The following SRFBP1 variants were observed in gnomAD, a reference collection of about 807,000 sequenced individuals.
SRFBP1 encodes serum response factor-binding protein 1.
SRFBP1 carries 47 observed loss-of-function variants against 45.5 expected under a neutral mutation model. That is an observed-to-expected ratio of 1.03 (90% CI 0.82 to 1.32). SRFBP1 has a LOEUF of 1.32. SRFBP1 is among the 40% of genes most tolerant of loss of function. SRFBP1 has a pLI of 0.00. For missense variants in SRFBP1, 621 were observed against 484.6 expected, an observed-to-expected ratio of 1.28 and a Z score of -2.64; for synonymous variants, 203 against 166.3, an observed-to-expected ratio of 1.22 and a Z score of -1.70.
chr5:121,966,802 C>T (rs1201286235), intron 1 of SRFBP1, among the ~76,000 whole-genome samples: 1 of 149,034 alleles, frequency 6.7e-6, no homozygotes, highest in African/African-American at 2.5e-5. Context: ...TTTTTTGAGA[C>T]GGAGTCTCGC....
intron 3 of SRFBP1, among the ~76,000 whole-genome samples, chr5:121,990,169 G>A (rs1451414679): frequency 6.6e-6 from 1 of 152,130 alleles, no homozygotes; most frequent in African/African-American, 2.4e-5. Context: ...TGGAATCAGT[G>A]CAGGTGCCCA....
At chr5:122,061,649 T>C (rs1235478713) in intron 2 of SRFBP1, among the ~76,000 whole-genome samples, 4 of 152,042 alleles carry the variant, frequency 2.6e-5, no homozygotes, top group Non-Finnish European at 5.9e-5. Flanking sequence ...TGTTTCACCC[T>C]AGTGTTATAA....
intron 2 of SRFBP1, among the ~76,000 whole-genome samples, chr5:122,048,904 T>C (rs1398136841): frequency 6.6e-6 from 1 of 152,200 alleles, no homozygotes. Flanking sequence ...CCCTTCATCG[T>C]TTTTTATTGC....
chr5:121,992,555 T>A (rs1009611841), intron 3 of SRFBP1, among the ~76,000 whole-genome samples: 1 of 152,098 alleles, frequency 6.6e-6, no homozygotes, highest in Non-Finnish European at 1.5e-5. Flanking sequence ...AAGTCCCTTC[T>A]GCCATGTAAA....
At chr5:122,006,921 C>CT (rs1448989350) in intron 4 of SRFBP1, among the ~76,000 whole-genome samples, 1 of 152,154 alleles carries the variant, frequency 6.6e-6, no homozygotes, top group East Asian at 1.9e-4. Flanking sequence ...GGGTCAGCTA[C>CT]TAGGATATTA....
intron 1 of SRFBP1, among the ~76,000 whole-genome samples, chr5:121,963,485 G>C (rs1053468356): frequency 1.3e-5 from 2 of 152,106 alleles, no homozygotes; most frequent in Non-Finnish European, 2.9e-5. Context: ...TAATGACTTT[G>C]ATGATGGAAA....
chr5:121,968,686 A>T (rs1378677098), intron 1 of SRFBP1, among the ~76,000 whole-genome samples: 1 of 152,172 alleles, frequency 6.6e-6, no homozygotes, highest in East Asian at 1.9e-4. Flanking sequence ...GATTCCTAGA[A>T]GTAGGACTTT....
intron 2 of SRFBP1, among the ~76,000 whole-genome samples, chr5:122,051,901 G>A (rs547169814): frequency 8.6e-5 from 13 of 152,026 alleles, no homozygotes; most frequent in African/African-American, 1.2e-4. Flanking sequence ...AGTCCTTTCC[G>A]TATCGAGCAC....
intron 4 of SRFBP1, among the ~76,000 whole-genome samples, chr5:121,998,458 T>A (rs1752780891): frequency 7.4e-6 from 1 of 134,860 alleles, no homozygotes; most frequent in Non-Finnish European, 1.5e-5. Flanking sequence ...AGGTGGGAAT[T>A]GAACAATGAG....
intron 2 of SRFBP1, among the ~76,000 whole-genome samples, chr5:122,047,045 G>A (rs898671264): frequency 1.3e-5 from 2 of 152,156 alleles, no homozygotes; most frequent in Admixed American, 6.5e-5. Context: ...AAGCTCTTTA[G>A]TTTAATTAGA....
At chr5:122,077,941 G>A (rs1754692669), downstream of SRFBP1, 1 of 1,493,954 alleles carries the variant, frequency 6.7e-7, no homozygotes, top group African/African-American at 1.5e-5. This position sits in a 1 kb window ranked among gnomAD's most constrained non-coding sequence, Gnocchi z 4.9. Flanking sequence ...CTAGCGCGCA[G>A]AGCTGCAAAG....
Position 121,964,560 on chromosome 5 carries a change from A to G in SRFBP1, c.36+2492A>G, listed in dbSNP as rs1011893737. On this transcript the variant is annotated intron_variant, in intron 1 of 7. Transcript: ENST00000339397. ...ATGGCTGCATAGTATTCCATGGTGTATATGTGCCGCATTTTCATTATCCAG... is the reference window on the plus strand; with the variant it reads ...ATGGCTGCATAGTATTCCATGGTGTGTATGTGCCGCATTTTCATTATCCAG... Among the ~76,000 whole-genome samples the G allele has an allele frequency of 1.9e-4, 29 of 152,292 alleles. 1 individual carries two copies. The highest frequency in any genetic ancestry group is 6.5e-4 in the African/African-American group (27 of 41,554).
At chr5:122,050,572 T>C (rs1753956963) in intron 2 of SRFBP1, among the ~76,000 whole-genome samples, 1 of 151,996 alleles carries the variant, frequency 6.6e-6, no homozygotes, top group South Asian at 2.1e-4. Context: ...TTTGTTTGTT[T>C]GTTTGTATTT....
chr5:121,964,188 C>A (rs1273394697), intron 1 of SRFBP1, among the ~76,000 whole-genome samples: 1 of 151,964 alleles, frequency 6.6e-6, no homozygotes, highest in South Asian at 2.1e-4. Flanking sequence ...TCTTCTCAAA[C>A]TTTAATCTTT....
chr5:122,008,237 G>T (rs1753017662), intron 4 of SRFBP1, among the ~76,000 whole-genome samples: 1 of 152,102 alleles, frequency 6.6e-6, no homozygotes, highest in African/African-American at 2.4e-5. Context: ...AGAACCTGGG[G>T]CCACTGATGT....
At chr5:122,017,114 A>G (rs1251117846) in intron 4 of SRFBP1, among the ~76,000 whole-genome samples, 2 of 152,270 alleles carry the variant, frequency 1.3e-5, no homozygotes, top group East Asian at 3.9e-4. Context: ...CTGTAGTCCC[A>G]GCTACTCGGG....
chr5:121,970,284 T>C (rs1181869540), intron 1 of SRFBP1, among the ~76,000 whole-genome samples: 1 of 152,096 alleles, frequency 6.6e-6, no homozygotes, highest in African/African-American at 2.4e-5. Flanking sequence ...AATTTTAAAA[T>C]TGGAGACGAG....
chr5:121,985,996 G>A (rs913628740), intron 3 of SRFBP1, among the ~76,000 whole-genome samples: 1 of 150,394 alleles, frequency 6.6e-6, no homozygotes, highest in South Asian at 2.1e-4. Flanking sequence ...GAGATTTTGG[G>A]GAGATGTTCA....
intron 1 of SRFBP1, 24 bp downstream of exon 1, chr5:121,962,092 GC>G (rs1280095443): frequency 6.2e-7 from 1 of 1,613,662 alleles, no homozygotes; most frequent in African/African-American, 1.3e-5. Flanking sequence ...AACCTATGGG[GC>G]TGACTTTAAG....
Sources: allele counts gnomAD v4.1 joint callset (sites outside exome capture counted in the v4.1 genomes callset), GRCh38; gene constraint gnomAD v4.1.1; non-coding constraint Gnocchi (gnomAD v3.1); transcripts MANE v1.5; gene names NCBI Gene and HGNC (gene_info 2026-07-23, HGNC 2026-07-21).